AHCYL2: variants seen among roughly 807,000 people sequenced by gnomAD.
AHCYL2 encodes the protein S-adenosylhomocysteine hydrolase-like protein 2.
Under a neutral mutation model 81.4 loss-of-function variants are expected in AHCYL2, and 28 were observed. That is an observed-to-expected ratio of 0.34 (90% CI 0.25 to 0.47). AHCYL2 has a LOEUF of 0.47. Ranked by LOEUF, AHCYL2 falls within the 20% of genes least tolerant of loss-of-function variation. AHCYL2 has a pLI of 1.00. For synonymous variants in AHCYL2, 272 were observed against 290.2 expected (o/e 0.94, Z 0.64); for missense variants, 551 against 785.1 (o/e 0.70, Z 3.56).
intron 1 of AHCYL2, among the ~76,000 whole-genome samples, chr7:129,249,941 C>A (rs1435284926): frequency 6.6e-6 from 1 of 152,138 alleles, no homozygotes; most frequent in Non-Finnish European, 1.5e-5. Context: ...TTTATCCATT[C>A]ATCTGTTGAT....
In AHCYL2 at chr7:129,419,441, C is replaced by G. The variant is rs1306945802; in HGVS notation, c.1462-3399C>G. 2.0e-5 allele frequency among the ~76,000 whole-genome samples: 3 copies of G among 152,128 alleles called. No individual in the cohort carries two copies. Among genetic ancestry groups the G allele is most frequent in the Non-Finnish European group, 4.4e-5 (3 of 68,016 alleles). ...TGGTGGCGTGTGCCTGTAATCCCAG[C>G]TACTCAGGAGGCTGAGGCAGGAGAA... On this transcript the variant is annotated intron_variant, in intron 12 of 16. Coordinates refer to ENST00000325006, the MANE Select transcript of AHCYL2 (RefSeq NM_015328.4). This position sits in a 1 kb window ranked among gnomAD's most constrained non-coding sequence, Gnocchi z 4.7.
chr7:129,270,724 T>C (rs148986523), intron 1 of AHCYL2, among the ~76,000 whole-genome samples: 104 of 152,314 alleles, frequency 6.8e-4, no homozygotes, highest in African/African-American at 2.3e-3. Flanking sequence ...TGCAGAAAGC[T>C]AAGTTCCTCA....
chr7:129,235,204 G>C (rs1366335947), intron 1 of AHCYL2, among the ~76,000 whole-genome samples: 1 of 151,558 alleles, frequency 6.6e-6, no homozygotes, highest in Admixed American at 6.6e-5. Flanking sequence ...CTGTGACACC[G>C]ATCTTTACTA....
intron 1 of AHCYL2, among the ~76,000 whole-genome samples, chr7:129,235,950 G>T (rs918959217): frequency 6.7e-6 from 1 of 149,808 alleles, no homozygotes; most frequent in African/African-American, 2.5e-5. Context: ...ATGCATTTTT[G>T]TGTGTGTACA....
In AHCYL2 at chr7:129,429,925, T is replaced by C. The variant is rs1797513694; in HGVS notation, c.*2880T>C. On this transcript the variant is annotated 3_prime_UTR_variant, in exon 17 of 17. Coordinates refer to ENST00000325006, the MANE Select transcript of AHCYL2 (RefSeq NM_015328.4). ...TTTTTAAAAAGGAATCAAAATGCAT[T>C]GTTGCATTAAGCTTTTTCAATAAAG... 6.6e-6 allele frequency: 1 copy of C among 152,450 alleles called. No individual in the cohort carries two copies. Among genetic ancestry groups the C allele is most frequent in the Non-Finnish European group, 1.5e-5 (1 of 68,020 alleles). 9.4% of individuals were successfully genotyped at this position (152,450 alleles called of 1,614,324 possible).
chr7:129,265,855 G>A (rs895401545), intron 1 of AHCYL2, among the ~76,000 whole-genome samples: 1 of 152,204 alleles, frequency 6.6e-6, no homozygotes, highest in Non-Finnish European at 1.5e-5. Flanking sequence ...GAGAAGAGAC[G>A]ATAGTAGTTT....
At chr7:129,266,871 A>G (rs574817917) in intron 1 of AHCYL2, among the ~76,000 whole-genome samples, 1 of 152,360 alleles carries the variant, frequency 6.6e-6, no homozygotes, top group South Asian at 2.1e-4. Context: ...ATGATTTTGT[A>G]TGACTAACCA....
chr7:129,243,130 C>T (rs1213416161), intron 1 of AHCYL2, among the ~76,000 whole-genome samples: 2 of 150,442 alleles, frequency 1.3e-5, no homozygotes, highest in South Asian at 2.1e-4. Context: ...AAGCAATTCT[C>T]CTGCCTCAGC....
chr7:129,344,561 C>G (rs1225675410), intron 1 of AHCYL2, among the ~76,000 whole-genome samples: 1 of 152,126 alleles, frequency 6.6e-6, no homozygotes, highest in East Asian at 1.9e-4. Flanking sequence ...CAGAACAGAT[C>G]AGTGGTTGCC....
At chr7:129,251,421 G>A (rs1278104387) in intron 1 of AHCYL2, among the ~76,000 whole-genome samples, 3 of 150,312 alleles carry the variant, frequency 2.0e-5, no homozygotes, top group Non-Finnish European at 4.4e-5. Context: ...CTTTGCTTTA[G>A]GGTTTTCATT....
intron 1 of AHCYL2, among the ~76,000 whole-genome samples, chr7:129,298,110 G>A (rs1797116585): frequency 6.6e-6 from 1 of 152,158 alleles, no homozygotes; most frequent in South Asian, 2.1e-4. Flanking sequence ...AGACAAGAAA[G>A]CCTGTGGTTT....
At chr7:129,335,923 G>T (rs932398132) in intron 1 of AHCYL2, among the ~76,000 whole-genome samples, 1 of 152,162 alleles carries the variant, frequency 6.6e-6, no homozygotes, top group Non-Finnish European at 1.5e-5. Context: ...TCCGTGAGAA[G>T]AATGTCAGAG....
chr7:129,400,284 T>C lies in AHCYL2; in HGVS notation c.824-6T>C, dbSNP rs556226587. ...AATGGTTTCCCTTTGTTCCTTTTTTTCCCAGGATTTCCTGTTTTTGCCTGG... is the reference window on the plus strand; with the variant it reads ...AATGGTTTCCCTTTGTTCCTTTTTTCCCCAGGATTTCCTGTTTTTGCCTGG... On this transcript the variant is annotated splice_polypyrimidine_tract_variant and splice_region_variant and intron_variant, in intron 5 of 16. Coordinates refer to ENST00000325006, the MANE Select transcript of AHCYL2 (RefSeq NM_015328.4). 13 of 1,613,310 alleles carry C rather than the reference T, an allele frequency of 8.1e-6. No homozygotes were observed. The South Asian group carries it at 8.8e-5, about 11-fold the overall frequency.
At chr7:129,313,280 A>G (rs1797723400) in intron 1 of AHCYL2, among the ~76,000 whole-genome samples, 1 of 152,230 alleles carries the variant, frequency 6.6e-6, no homozygotes, top group Non-Finnish European at 1.5e-5. Context: ...AAGGGATAAA[A>G]TTGTCTTTTG....
intron 12 of AHCYL2, among the ~76,000 whole-genome samples, chr7:129,417,757 T>C (rs1796926852): frequency 6.6e-6 from 1 of 152,202 alleles, no homozygotes; most frequent in Non-Finnish European, 1.5e-5. Context: ...AACCGAATTT[T>C]TATTCAGTGT....
intron 1 of AHCYL2, among the ~76,000 whole-genome samples, chr7:129,354,499 T>C (rs897266067): frequency 2.6e-5 from 4 of 152,152 alleles, no homozygotes; most frequent in African/African-American, 9.7e-5. Flanking sequence ...TACTAGGTTG[T>C]ATTGACCTGT....
intron 5 of AHCYL2, among the ~76,000 whole-genome samples, chr7:129,398,549 T>C (rs1795859709): frequency 6.6e-6 from 1 of 151,428 alleles, no homozygotes; most frequent in African/African-American, 2.4e-5. Flanking sequence ...CGGCTAATTT[T>C]TGTATTTTTA....
At chr7:129,352,748 A>G (rs1404480069) in intron 1 of AHCYL2, among the ~76,000 whole-genome samples, 1 of 152,092 alleles carries the variant, frequency 6.6e-6, no homozygotes, top group East Asian at 1.9e-4. Flanking sequence ...CTCCTGCATC[A>G]GGTATCTCAT....
At chr7:129,337,334 G>A (rs898191513) in intron 1 of AHCYL2, among the ~76,000 whole-genome samples, 1 of 151,982 alleles carries the variant, frequency 6.6e-6, no homozygotes, top group African/African-American at 2.4e-5. Flanking sequence ...AACATATATA[G>A]CTGCCTTGCT....
Sources: gnomAD v4.1 joint callset for allele counts (sites outside exome capture counted in the v4.1 genomes callset) on GRCh38, gnomAD v4.1.1 for gene constraint, Gnocchi (gnomAD v3.1) non-coding constraint, MANE v1.5 for transcripts, NCBI Gene and HGNC (gene_info 2026-07-23, HGNC 2026-07-21) for gene names.